Variants in BCAR3 observed in about 807,000 individuals in gnomAD.
BCAR3 encodes the protein breast cancer anti-estrogen resistance protein 3.
Under a neutral mutation model 80.1 loss-of-function variants are expected in BCAR3, and 37 were observed. The observed-to-expected ratio is 0.46, with a 90% CI of 0.36 to 0.61. The LOEUF (loss-of-function observed/expected upper bound fraction) is 0.61. Ranked by LOEUF, BCAR3 falls within the 20% of genes least tolerant of loss-of-function variation. The probability of loss-of-function intolerance (pLI) is 0.00; values close to 1 mark genes in which losing one functional copy is unlikely to be tolerated. For synonymous variants in BCAR3, 389 were observed against 418.9 expected (o/e 0.93, Z 0.87); for missense variants, 978 against 1,068.2 (o/e 0.92, Z 1.18).
At chr1:93,663,003 T>A (rs1647736005) in intron 2 of BCAR3, among the ~76,000 whole-genome samples, 1 of 152,202 alleles carries the variant, frequency 6.6e-6, no homozygotes, top group Non-Finnish European at 1.5e-5. Context: ...AGTCTCACAC[T>A]CCCTCAGTCT....
At chr1:93,769,358 T>TGC (rs1652273057) in intron 2 of BCAR3, among the ~76,000 whole-genome samples, 2 of 38,038 alleles carry the variant, frequency 5.3e-5, no homozygotes, top group Admixed American at 2.5e-4. Flanking sequence ...GGTAGGAATG[T>TGC]GTGTGTGTGT....
At chr1:93,627,565 C>G (rs1278888695) in intron 3 of BCAR3, among the ~76,000 whole-genome samples, 1 of 152,202 alleles carries the variant, frequency 6.6e-6, no homozygotes, top group Non-Finnish European at 1.5e-5. Context: ...AAGTTGTGTT[C>G]TATCAGACAC....
chr1:93,827,282 C>T (rs1654405265), intron 2 of BCAR3, among the ~76,000 whole-genome samples: 3 of 152,082 alleles, frequency 2.0e-5, no homozygotes, highest in African/African-American at 7.2e-5. Flanking sequence ...CTGGCTGGCA[C>T]AGGGACAAGT....
intron 4 of BCAR3, among the ~76,000 whole-genome samples, chr1:93,591,168 T>TTA (rs1553229758): frequency 4.5e-5 from 3 of 66,330 alleles, no homozygotes; most frequent in East Asian, 4.0e-4. Context: ...TCTACTACAT[T>TTA]AAAAAAAAAA....
At chr1:93,693,921 C>T (rs1023498101) in intron 3 of BCAR3, among the ~76,000 whole-genome samples, 3 of 152,180 alleles carry the variant, frequency 2.0e-5, no homozygotes, top group Non-Finnish European at 2.9e-5. Flanking sequence ...TTGCTTGAGC[C>T]CCTGAGCACC....
At chr1:93,821,899 A>G (rs981449762) in intron 2 of BCAR3, among the ~76,000 whole-genome samples, 1 of 152,218 alleles carries the variant, frequency 6.6e-6, no homozygotes. Context: ...GCCTGTAAGC[A>G]TGAGAGCTTG....
At chr1:93,564,294 T>C (rs1220405482) in intron 11 of BCAR3, among the ~76,000 whole-genome samples, 31 of 24,330 alleles carry the variant, frequency 1.3e-3, no homozygotes, top group South Asian at 4.6e-3. Flanking sequence ...TTCTTTCTTT[T>C]TTTTTTTTTT....
chr1:93,745,317 C>G (rs1316497615), intron 2 of BCAR3, among the ~76,000 whole-genome samples: 1 of 152,184 alleles, frequency 6.6e-6, no homozygotes, highest in Non-Finnish European at 1.5e-5. Context: ...CTTTGAAGAC[C>G]GATGAGTTCA....
At chr1:93,701,227 G>A (rs1298492263) in intron 3 of BCAR3, among the ~76,000 whole-genome samples, 3 of 152,224 alleles carry the variant, frequency 2.0e-5, no homozygotes, top group Non-Finnish European at 2.9e-5. Flanking sequence ...AGCGGTCATC[G>A]TGAGGTCCCC....
At chr1:93,615,589 A>T (rs977725760) in intron 3 of BCAR3, among the ~76,000 whole-genome samples, 3 of 152,150 alleles carry the variant, frequency 2.0e-5, no homozygotes, top group Non-Finnish European at 4.4e-5. Context: ...CAGAACTCAG[A>T]AGGGTTTTCT....
chr1:93,742,193 TA>T (rs1285911387), intron 2 of BCAR3, among the ~76,000 whole-genome samples: 1 of 152,230 alleles, frequency 6.6e-6, no homozygotes, highest in Non-Finnish European at 1.5e-5. Flanking sequence ...TTTGAAGAGC[TA>T]TTTGCTAACC....
intron 6 of BCAR3, among the ~76,000 whole-genome samples, chr1:93,583,227 T>C (rs1673792385): frequency 6.6e-6 from 1 of 152,148 alleles, no homozygotes; most frequent in South Asian, 2.1e-4. Flanking sequence ...AAATGTTGTA[T>C]GGTCATAGAA....
intron 3 of BCAR3, among the ~76,000 whole-genome samples, chr1:93,603,155 A>T (rs1303295883): frequency 6.6e-6 from 1 of 152,280 alleles, no homozygotes; most frequent in African/African-American, 2.4e-5. Flanking sequence ...CAAATAAAAA[A>T]GTTCAAAGAG....
chr1:93,743,695 A>G (rs1244506050), intron 2 of BCAR3, among the ~76,000 whole-genome samples: 1 of 152,244 alleles, frequency 6.6e-6, no homozygotes, highest in African/African-American at 2.4e-5. Context: ...GCACTCAATC[A>G]GCCAGGAAGT....
At chr1:93,738,468 T>TC (rs1056290363) in intron 2 of BCAR3, among the ~76,000 whole-genome samples, 4 of 152,266 alleles carry the variant, frequency 2.6e-5, no homozygotes, top group Non-Finnish European at 4.4e-5. Flanking sequence ...TGCTCCGCCC[T>TC]CCCCCGCCAT....
intron 2 of BCAR3, among the ~76,000 whole-genome samples, chr1:93,642,763 T>C (rs1248002229): frequency 2.0e-5 from 3 of 152,174 alleles, no homozygotes; most frequent in Admixed American, 6.5e-5. Context: ...GTGCCCACAT[T>C]GACAGTAAGA....
rs1473893365 is a variant in BCAR3, at chr1:93,586,617, C to A, written c.929+2360G>T. 6.6e-6 allele frequency among the ~76,000 whole-genome samples: 1 copy of A among 152,186 alleles called. No individual in the cohort carries two copies. The highest frequency in any genetic ancestry group is 1.5e-5 in the Non-Finnish European group (1 of 68,024). On this transcript the variant is annotated intron_variant, in intron 5 of 11. Coordinates refer to ENST00000260502, the MANE Select transcript of BCAR3 (RefSeq NM_003567.4). The surrounding 1 kb of genome is among the most constrained non-coding windows in gnomAD (Gnocchi z 4.2). The stretch of plus-strand genomic sequence containing the variant: ...GCTCAATTTTTAGTTTTCTGAGGAA[C>A]CTCGAAACTGTTCTCCATAGTGGTT...
intron 11 of BCAR3, among the ~76,000 whole-genome samples, chr1:93,564,083 CT>C (rs1672820346): frequency 1.3e-5 from 2 of 151,902 alleles, no homozygotes; most frequent in Admixed American, 1.3e-4. Context: ...ATGATGAATG[CT>C]TTGAACATCT....
At chr1:93,789,938 C>T (rs1653083327) in intron 2 of BCAR3, among the ~76,000 whole-genome samples, 1 of 152,178 alleles carries the variant, frequency 6.6e-6, no homozygotes, top group African/African-American at 2.4e-5. Context: ...AGCTTGATGT[C>T]CTTTTGTAAG....
Sources: allele counts gnomAD v4.1 joint callset (sites outside exome capture counted in the v4.1 genomes callset), GRCh38; gene constraint gnomAD v4.1.1; non-coding constraint Gnocchi (gnomAD v3.1); transcripts MANE v1.5; gene names NCBI Gene and HGNC (gene_info 2026-07-23, HGNC 2026-07-21).